Variants in CSNK2A2IP observed in about 807,000 individuals in gnomAD.
CSNK2A2IP encodes the protein casein kinase 2 subunit alpha' interacting protein, also known as casein kinase II subunit alpha'-interacting protein.
the CSNK2A2IP span, among the ~76,000 whole-genome samples, chr3:88,347,162 T>A: frequency 6.6e-6 from 1 of 151,896 alleles, no homozygotes; most frequent in Non-Finnish European, 1.5e-5. Context: ...GGGTGAGGAG[T>A]TGCTTCTTAT....
the CSNK2A2IP span, among the ~76,000 whole-genome samples, chr3:88,445,111 A>G: frequency 6.6e-6 from 1 of 151,968 alleles, no homozygotes. Context: ...TTAACGAGTA[A>G]GAAATGTTAT....
chr3:88,453,866 A>C, the CSNK2A2IP span, among the ~76,000 whole-genome samples: 1 of 152,062 alleles, frequency 6.6e-6, no homozygotes, highest in Non-Finnish European at 1.5e-5. Context: ...TAGATTGATT[A>C]CAGTTTTTGA....
the CSNK2A2IP span, among the ~76,000 whole-genome samples, chr3:88,393,877 A>AGAT: frequency 6.6e-6 from 1 of 152,198 alleles, no homozygotes; most frequent in South Asian, 2.1e-4. Context: ...AGAGACTGGC[A>AGAT]GATAGTACAG....
the CSNK2A2IP span, among the ~76,000 whole-genome samples, chr3:88,409,295 C>CTGTTCTGTCTTCTGTCCTA: frequency 6.6e-6 from 1 of 152,016 alleles, no homozygotes; most frequent in African/African-American, 2.4e-5. Context: ...GTTCTGTCCT[C>CTGTTCTGTCTTCTGTCCTA]TGTTCTGTCT....
At chr3:88,464,559 A>G in the CSNK2A2IP span, among the ~76,000 whole-genome samples, 437 of 152,122 alleles carry the variant, frequency 2.9e-3, 2 homozygotes, top group African/African-American at 9.8e-3. Context: ...TTAAAAGGGT[A>G]TAGTCAAAAG....
At chr3:88,409,356 G>A in the CSNK2A2IP span, among the ~76,000 whole-genome samples, 1 of 152,010 alleles carries the variant, frequency 6.6e-6, no homozygotes, top group African/African-American at 2.4e-5. Flanking sequence ...GGAAGAGGCT[G>A]CTTGCAGAAT....
At chr3:88,344,359 T>C in the CSNK2A2IP span, among the ~76,000 whole-genome samples, 3 of 151,954 alleles carry the variant, frequency 2.0e-5, no homozygotes, top group Admixed American at 1.3e-4. Flanking sequence ...CATATGTTGT[T>C]TTAAAATTTT....
At chr3:88,389,036 C>T in the CSNK2A2IP span, among the ~76,000 whole-genome samples, 12 of 151,962 alleles carry the variant, frequency 7.9e-5, no homozygotes, top group Admixed American at 6.6e-5. Flanking sequence ...ACCCAAAAGC[C>T]GTGCCCTCAT....
chr3:88,351,356 T>A, the CSNK2A2IP span, among the ~76,000 whole-genome samples: 1 of 152,084 alleles, frequency 6.6e-6, no homozygotes, highest in South Asian at 2.1e-4. Context: ...TTTTTGTAGA[T>A]CAAATAATGA....
chr3:88,434,361 A>T, the CSNK2A2IP span, among the ~76,000 whole-genome samples: 3 of 152,138 alleles, frequency 2.0e-5, no homozygotes, highest in South Asian at 2.1e-4. Context: ...CAGAAAAAAA[A>T]AATAAAATAT....
chr3:88,445,198 G>A, the CSNK2A2IP span, among the ~76,000 whole-genome samples: 1 of 146,958 alleles, frequency 6.8e-6, no homozygotes, highest in African/African-American at 2.5e-5. Flanking sequence ...GGACGCTGAG[G>A]CGGGAGAATC....
chr3:88,394,799 T>C, the CSNK2A2IP span, among the ~76,000 whole-genome samples: 1 of 152,222 alleles, frequency 6.6e-6, no homozygotes, highest in Non-Finnish European at 1.5e-5. Flanking sequence ...TATTTTCTTA[T>C]TGAGTTGTAG....
At chr3:88,357,858 G>A in the CSNK2A2IP span, among the ~76,000 whole-genome samples, 2 of 151,570 alleles carry the variant, frequency 1.3e-5, no homozygotes, top group Non-Finnish European at 2.9e-5. Flanking sequence ...AGGATTAAGC[G>A]ATCCTCCCAC....
At chr3:88,434,491 A>G in the CSNK2A2IP span, among the ~76,000 whole-genome samples, 1 of 152,200 alleles carries the variant, frequency 6.6e-6, no homozygotes, top group Non-Finnish European at 1.5e-5. Context: ...AGGCAAAGTC[A>G]GAAAAATAGG....
chr3:88,447,123 A>G, the CSNK2A2IP span, among the ~76,000 whole-genome samples: 3 of 152,310 alleles, frequency 2.0e-5, no homozygotes, highest in East Asian at 1.9e-4. Context: ...ATTATTATAT[A>G]TAATGAGTAC....
chr3:88,426,749 G>T, the CSNK2A2IP span, among the ~76,000 whole-genome samples: 1 of 152,074 alleles, frequency 6.6e-6, no homozygotes, highest in Non-Finnish European at 1.5e-5. Context: ...CGCCATGATT[G>T]TAAGTTTCCT....
chr3:88,441,658 T>C, the CSNK2A2IP span, among the ~76,000 whole-genome samples: 1 of 152,146 alleles, frequency 6.6e-6, no homozygotes, highest in Non-Finnish European at 1.5e-5. Flanking sequence ...TTTCCTTGTG[T>C]AGTTAGGTAG....
the CSNK2A2IP span, among the ~76,000 whole-genome samples, chr3:88,342,921 T>C: frequency 6.6e-6 from 1 of 151,994 alleles, no homozygotes; most frequent in Non-Finnish European, 1.5e-5. Context: ...GCACTTGCTA[T>C]TTGGCTTGTA....
At chr3:88,345,068 C>T in the CSNK2A2IP span, among the ~76,000 whole-genome samples, 1 of 151,922 alleles carries the variant, frequency 6.6e-6, no homozygotes, top group Non-Finnish European at 1.5e-5. Flanking sequence ...ATCAAGTGCG[C>T]ACACATTGTC....
Sources: gnomAD v4.1 joint callset for allele counts (sites outside exome capture counted in the v4.1 genomes callset) on GRCh38, gnomAD v4.1.1 for gene constraint, MANE v1.5 for transcripts, NCBI Gene and HGNC (gene_info 2026-07-23, HGNC 2026-07-21) for gene names.